The following NOL4L variants were observed in gnomAD, a reference collection of about 807,000 sequenced individuals.
NOL4L encodes nucleolar protein 4-like.
Under a neutral mutation model 64.5 loss-of-function variants are expected in NOL4L, and 7 were observed. The observed-to-expected ratio is 0.11, with a 90% CI of 0.06 to 0.20. The LOEUF is 0.20. NOL4L is among the 10% of genes least tolerant of loss of function. The probability of loss-of-function intolerance (pLI) is 1.00; values close to 1 mark genes in which losing one functional copy is unlikely to be tolerated. For synonymous variants in NOL4L, 413 were observed against 401.0 expected (o/e 1.03, Z -0.36); for missense variants, 680 against 967.1 (o/e 0.70, Z 3.94).
chr20:32,529,582 G>A (rs892077449), intron 1 of NOL4L, among the ~76,000 whole-genome samples: 3 of 152,288 alleles, frequency 2.0e-5, no homozygotes, highest in East Asian at 1.9e-4. Flanking sequence ...CATGATGGCC[G>A]AACAGCAGTG....
At chr20:32,559,578 A>G (rs1244221159) in intron 1 of NOL4L, among the ~76,000 whole-genome samples, 2 of 152,120 alleles carry the variant, frequency 1.3e-5, no homozygotes, top group Non-Finnish European at 2.9e-5. Flanking sequence ...CAGATCAGCA[A>G]ATGGAGGCCT....
chr20:32,509,495 G>C (rs1410194324), intron 4 of NOL4L, among the ~76,000 whole-genome samples: 1 of 139,098 alleles, frequency 7.2e-6, no homozygotes, highest in Non-Finnish European at 1.5e-5. Context: ...TCCAGCCTGG[G>C]TGGCAGAGTG....
At chr20:32,555,726 G>A (rs912986780) in intron 1 of NOL4L, among the ~76,000 whole-genome samples, 7 of 152,108 alleles carry the variant, frequency 4.6e-5, no homozygotes, top group African/African-American at 7.2e-5. Context: ...ACCATGAGAA[G>A]ACACGGAGAG....
intron 4 of NOL4L, among the ~76,000 whole-genome samples, chr20:32,477,160 C>CCA (rs2015447805): frequency 6.6e-6 from 1 of 152,200 alleles, no homozygotes; most frequent in Non-Finnish European, 1.5e-5. Context: ...CAAGTTCAAA[C>CCA]CATAACAACA....
chr20:32,538,139 TG>T (rs1283929445), intron 1 of NOL4L, among the ~76,000 whole-genome samples: 1 of 152,136 alleles, frequency 6.6e-6, no homozygotes, highest in Non-Finnish European at 1.5e-5. Flanking sequence ...GGCAGCTGCT[TG>T]GAAGTCATTC....
At chr20:32,511,541 A>C in intron 3 of NOL4L, 85 bp from the exon 4 acceptor site, 1 of 901,766 alleles carries the variant, frequency 1.1e-6, no homozygotes. Flanking sequence ...AGCCCGTGGA[A>C]GAGGAAGCCA....
chr20:32,486,615 A>G (rs1202187426), intron 4 of NOL4L: 1 of 437,726 alleles, frequency 2.3e-6, no homozygotes, highest in Non-Finnish European at 4.7e-6. Context: ...ACCAGAGCAG[A>G]CACTGTTCAA....
intron 1 of NOL4L, among the ~76,000 whole-genome samples, chr20:32,543,917 C>T (rs2018696527): frequency 6.6e-6 from 1 of 152,152 alleles, no homozygotes; most frequent in Non-Finnish European, 1.5e-5. Flanking sequence ...GGAGCCTCTG[C>T]TGAAGGTGCG....
intron 4 of NOL4L, among the ~76,000 whole-genome samples, chr20:32,494,253 G>A (rs4911236): frequency 0.23 from 5,009 of 21,876 alleles, 364 homozygotes; most frequent in East Asian, 0.32. Flanking sequence ...ATAATCTCGG[G>A]AAAAAAAAAA....
chr20:32,580,075 G>A (rs6119269), intron 1 of NOL4L, among the ~76,000 whole-genome samples: 80,492 of 152,164 alleles, frequency 0.53, 25,594 homozygotes, highest in East Asian at 0.94. Flanking sequence ...TGAAGGACCT[G>A]TGCTTTCAAA....
Position 32,460,870 on chromosome 20 carries a change from T to C in NOL4L, c.842-4475A>G, listed in dbSNP as rs753222713. On this transcript the variant is annotated intron_variant, in intron 5 of 10. Coordinates refer to ENST00000621426, the MANE Select transcript of NOL4L (RefSeq NM_001256798.2). The surrounding 1 kb of genome is among the most constrained non-coding windows in gnomAD (Gnocchi z 5.7). ...GAGGAGACGGGGCTCTGAAGGGGTG[T>C]CACCAGCTTTCTGGCCCCTGAGCCA... Among the ~76,000 whole-genome samples the C allele has an allele frequency of 2.0e-5, 3 of 152,138 alleles. No homozygotes were observed. The highest frequency in any genetic ancestry group is 4.4e-5 in the Non-Finnish European group (3 of 68,012).
chr20:32,518,402 G>A (rs929077142), intron 3 of NOL4L, among the ~76,000 whole-genome samples: 2 of 152,232 alleles, frequency 1.3e-5, no homozygotes, highest in African/African-American at 4.8e-5. Flanking sequence ...AGAGGAAGCA[G>A]GCCACTGCTG....
chr20:32,451,284 A>G (rs2012877368), intron 10 of NOL4L, among the ~76,000 whole-genome samples: 1 of 152,162 alleles, frequency 6.6e-6, no homozygotes. Context: ...ACCTTCTTAC[A>G]GGGGCAGACA....
At chr20:32,449,673 G>A (rs918422623) in intron 10 of NOL4L, 1 of 152,288 alleles carries the variant, frequency 6.6e-6, no homozygotes, top group Non-Finnish European at 1.5e-5. Flanking sequence ...GGAAACAGCA[G>A]CCAAACAGGT....
At position 32,447,568 on chromosome 20, in the gene NOL4L, G is replaced by A. The variant is rs1287090271; in HGVS notation, c.*28C>T. The A allele has an allele frequency of 1.3e-6, 2 of 1,573,440 alleles. No homozygotes were observed. Among genetic ancestry groups the A allele is most frequent in the Non-Finnish European group, 1.7e-6 (2 of 1,164,560 alleles). On this transcript the variant is annotated 3_prime_UTR_variant, in exon 11 of 11. Coordinates refer to ENST00000621426, the MANE Select transcript of NOL4L (RefSeq NM_001256798.2). ...CAGGCTGGGACAGCCTCCTTCCCTA[G>A]GGCAGTGCGCTCCAGGTGCCGGTGG...
rs1287174970 is a variant in NOL4L, at chr20:32,447,452, A to G, written c.*144T>C. 5.3e-5 allele frequency: 42 copies of G among 799,320 alleles called. No homozygotes were observed. In the South Asian group the frequency reaches 6.8e-4, roughly 13 times the overall value. The allele number at this position is 799,320 out of a possible 1,614,324, so 49.5% of individuals were successfully genotyped here. Reference sequence around the variant, plus strand: ...AAAGTGTCCTTGTGCCCAAAGTCTCAGGTGCTTGGAGTGTGGCTAGAAACA... The same window carrying G: ...AAAGTGTCCTTGTGCCCAAAGTCTCGGGTGCTTGGAGTGTGGCTAGAAACA... On this transcript the variant is annotated 3_prime_UTR_variant, in exon 11 of 11. Transcript: ENST00000621426.
rs113528056 is a variant in NOL4L, at chr20:32,453,293, G to A, written c.1497+11C>T. 1.9e-6 allele frequency: 3 copies of A among 1,611,202 alleles called. No individual in the cohort carries two copies. The highest frequency in any genetic ancestry group is 2.2e-5 in the South Asian group (2 of 90,942). ...CCGAGGGAAAGTGTGGGCCAGGCAG[G>A]GGGGACTCACCATCTCCATGCCGTT... On this transcript the variant is annotated intron_variant, in intron 8 of 10. Transcript: ENST00000621426. This position sits in a 1 kb window ranked among gnomAD's most constrained non-coding sequence, Gnocchi z 5.6.
intron 2 of NOL4L, among the ~76,000 whole-genome samples, chr20:32,524,370 G>A (rs944821961): frequency 2.6e-5 from 4 of 152,168 alleles, no homozygotes; most frequent in East Asian, 1.9e-4. Context: ...ACTCCAGCTC[G>A]AATACCTCCA....
rs2018272478 is a variant in NOL4L, at chr20:32,529,697, T to C, written c.322-1784A>G. On this transcript the variant is annotated intron_variant, in intron 1 of 10. Coordinates refer to ENST00000621426, the MANE Select transcript of NOL4L (RefSeq NM_001256798.2). ...ACAGCTAGCGGGCAGTGTCCCTAAG[T>C]GGTAACCCTGGGAGGTGACCTCACT... 2.0e-5 allele frequency among the ~76,000 whole-genome samples: 3 copies of C among 152,228 alleles called. No homozygotes were observed. In the South Asian group the frequency reaches 6.2e-4, roughly 32 times the overall value.
Sources: allele counts gnomAD v4.1 joint callset (sites outside exome capture counted in the v4.1 genomes callset), GRCh38; gene constraint gnomAD v4.1.1; non-coding constraint Gnocchi (gnomAD v3.1); transcripts MANE v1.5; gene names NCBI Gene and HGNC (gene_info 2026-07-23, HGNC 2026-07-21).